The following TCN2 variants were observed in gnomAD, a reference collection of about 807,000 sequenced individuals.
TCN2 encodes the protein transcobalamin-2.
TCN2 carries 34 observed loss-of-function variants against 48.6 expected under a neutral mutation model. The observed-to-expected ratio is 0.70, with a 90% CI of 0.53 to 0.93. The LOEUF (loss-of-function observed/expected upper bound fraction) is 0.93, where lower values mean the gene tolerates loss of function less well. Among genes scored for constraint, TCN2 ranks in the 40% least tolerant of loss-of-function variants. The pLI, the probability that TCN2 is intolerant of heterozygous loss-of-function variation, is 0.00. For synonymous variants in TCN2, 283 were observed against 212.5 expected (o/e 1.33, Z -2.89); for missense variants, 652 against 526.1 (o/e 1.24, Z -2.34).
chr22:30,625,415 T>A (rs1027287058), intron 8 of TCN2, among the ~76,000 whole-genome samples: 141 of 149,842 alleles, frequency 9.4e-4, no homozygotes, highest in African/African-American at 3.0e-3. Flanking sequence ...AAAAAAAAAA[T>A]ATTTTCCTGG....
intron 7 of TCN2, among the ~76,000 whole-genome samples, chr22:30,619,100 A>AG (rs1202902795): frequency 6.6e-6 from 1 of 151,902 alleles, no homozygotes; most frequent in Non-Finnish European, 1.5e-5. Flanking sequence ...TATTTGAGAC[A>AG]GGGTCTTACT....
intron 8 of TCN2, among the ~76,000 whole-genome samples, chr22:30,623,847 C>CATAT (rs1491172112): frequency 3.7e-5 from 1 of 27,052 alleles, no homozygotes; most frequent in Non-Finnish European, 6.4e-5. Context: ...CACACACATA[C>CATAT]ATACACATAC....
chr22:30,618,508 T>C (rs1156692688), intron 7 of TCN2, among the ~76,000 whole-genome samples: 2 of 152,114 alleles, frequency 1.3e-5, no homozygotes, highest in Admixed American at 6.6e-5. Context: ...CGTGCCACCA[T>C]GCCCAGCTAA....
chr22:30,610,010 CAG>C (rs1405630143), intron 1 of TCN2, among the ~76,000 whole-genome samples: 4 of 152,178 alleles, frequency 2.6e-5, no homozygotes, highest in Non-Finnish European at 4.4e-5. Context: ...AGGCAGTAAA[CAG>C]GGACCGAAAG....
intron 8 of TCN2, 25 bp downstream of exon 8, chr22:30,623,108 A>G (rs2087722505): frequency 1.2e-6 from 2 of 1,610,006 alleles, no homozygotes; most frequent in Admixed American, 1.7e-5. Context: ...GACACTCTGG[A>G]TGTGTCCCCT....
At chr22:30,619,849 A>AT (rs1401278123) in intron 7 of TCN2, among the ~76,000 whole-genome samples, 1 of 152,146 alleles carries the variant, frequency 6.6e-6, no homozygotes, top group Non-Finnish European at 1.5e-5. Context: ...TGTACTGATA[A>AT]TTTTATTAAA....
intron 4 of TCN2, 28 bp from the exon 5 acceptor site, chr22:30,615,273 C>T (rs1338253015): frequency 6.2e-7 from 1 of 1,613,976 alleles, no homozygotes; most frequent in East Asian, 2.2e-5. Context: ...CTCTCCAGCT[C>T]ATTGCATGTT....
chr22:30,620,694 C>T (rs752163068), intron 7 of TCN2, among the ~76,000 whole-genome samples: 5 of 152,214 alleles, frequency 3.3e-5, no homozygotes, highest in Non-Finnish European at 5.9e-5. Flanking sequence ...TAGAATTTAA[C>T]GTTTTTATTC....
At chr22:30,619,091 A>T (rs1251239802) in intron 7 of TCN2, among the ~76,000 whole-genome samples, 1 of 151,604 alleles carries the variant, frequency 6.6e-6, no homozygotes, top group East Asian at 2.0e-4. Flanking sequence ...CTTTTATTTT[A>T]TTTGAGACAG....
chr22:30,623,128 T>G, intron 8 of TCN2, 45 bp downstream of exon 8: 1 of 1,602,768 alleles, frequency 6.2e-7, no homozygotes, highest in South Asian at 1.1e-5. Context: ...TACCCCAAGC[T>G]TACTCAGCCA....
intron 7 of TCN2, among the ~76,000 whole-genome samples, chr22:30,620,463 G>T (rs569868268): frequency 6.6e-6 from 1 of 152,370 alleles, no homozygotes; most frequent in Non-Finnish European, 1.5e-5. Context: ...TGAAGCCTGG[G>T]CACTCCTGGC....
Position 30,626,875 on chromosome 22 carries a change from C to A in TCN2, c.*354C>A, listed in dbSNP as rs941779132. Reference sequence around the variant, plus strand: ...GCAGGTGTTGTGAAGACCACTCGTTCTGTGGTTGGGGTCCTGCAAGAAGGC... The same window carrying A: ...GCAGGTGTTGTGAAGACCACTCGTTATGTGGTTGGGGTCCTGCAAGAAGGC... On this transcript the variant is annotated 3_prime_UTR_variant, in exon 9 of 9. Coordinates refer to ENST00000215838, the MANE Select transcript of TCN2 (RefSeq NM_000355.4). The A allele has an allele frequency of 1.0e-5, 4 of 391,060 alleles. No homozygotes were observed. Among genetic ancestry groups the A allele is most frequent in the Non-Finnish European group, 1.9e-5 (4 of 205,178 alleles). 24.2% of individuals were successfully genotyped at this position (391,060 alleles called of 1,614,324 possible).
At chr22:30,618,741 TAAC>T (rs1481778302) in intron 7 of TCN2, among the ~76,000 whole-genome samples, 1 of 152,130 alleles carries the variant, frequency 6.6e-6, no homozygotes, top group Non-Finnish European at 1.5e-5. Context: ...ATTATCCAAG[TAAC>T]AGGGACTACA....
chr22:30,607,695 C>T (rs1253148480), intron 1 of TCN2, among the ~76,000 whole-genome samples: 1 of 151,942 alleles, frequency 6.6e-6, no homozygotes, highest in Non-Finnish European at 1.5e-5. Flanking sequence ...AAGTCTAATC[C>T]CTGCCATCCT....
intron 1 of TCN2, chr22:30,610,224 CA>C (rs1346623175): frequency 4.2e-5 from 20 of 471,070 alleles, no homozygotes; most frequent in Non-Finnish European, 7.9e-5. Context: ...AGGTCCTCTT[CA>C]TTTAAACAGA....
chr22:30,607,981 GA>G (rs2087478706), intron 1 of TCN2, among the ~76,000 whole-genome samples: 1 of 152,188 alleles, frequency 6.6e-6, no homozygotes, highest in Non-Finnish European at 1.5e-5. Flanking sequence ...AGGAGTGGGG[GA>G]CACACATTCT....
intron 1 of TCN2, chr22:30,610,197 G>C (rs1345586810): frequency 2.1e-6 from 1 of 470,864 alleles, no homozygotes; most frequent in East Asian, 6.9e-5. Context: ...TTTTCTAAGA[G>C]CTCATCTCAC....
intron 8 of TCN2, 23 bp from the exon 9 acceptor site, chr22:30,626,437 C>G: frequency 6.2e-7 from 1 of 1,614,022 alleles, no homozygotes; most frequent in South Asian, 1.1e-5. Flanking sequence ...ATTCGCCCCT[C>G]CTTGCTCAAT....
At chr22:30,621,870 GCT>G (rs200354209) in intron 7 of TCN2, among the ~76,000 whole-genome samples, 2,544 of 152,270 alleles carry the variant, frequency 0.017, 50 homozygotes, top group Non-Finnish European at 0.02. Context: ...GCTCTGCCCC[GCT>G]CTCCTCCCTT....
Sources: gnomAD v4.1 joint callset for allele counts (sites outside exome capture counted in the v4.1 genomes callset) on GRCh38, gnomAD v4.1.1 for gene constraint, MANE v1.5 for transcripts, NCBI Gene and HGNC (gene_info 2026-07-23, HGNC 2026-07-21) for gene names.